ANK3: variants seen among roughly 807,000 people sequenced by gnomAD.
The protein encoded by ANK3 is ankyrin-3.
ANK3 carries 57 observed loss-of-function variants against 370.9 expected under a neutral mutation model. That is an observed-to-expected ratio of 0.15 (90% CI 0.12 to 0.19). ANK3 has a LOEUF of 0.19. Ranked by LOEUF, ANK3 falls within the 10% of genes least tolerant of loss-of-function variation. The pLI, the probability that ANK3 is intolerant of heterozygous loss-of-function variation, is 1.00. For missense variants in ANK3, 4,439 were observed against 5,302.1 expected (o/e 0.84, Z 5.06); for synonymous variants, 1,929 against 1,946.3 (o/e 0.99, Z 0.23).
chr10:60,135,618 T>C (rs886413550), intron 24 of ANK3, among the ~76,000 whole-genome samples: 12 of 152,256 alleles, frequency 7.9e-5, no homozygotes, highest in African/African-American at 2.2e-4. Context: ...AAGTGCCTTC[T>C]TGTATCTTTA....
intron 7 of ANK3, among the ~76,000 whole-genome samples, chr10:60,259,087 T>C (rs1477826010): frequency 6.6e-6 from 1 of 152,198 alleles, no homozygotes; most frequent in Admixed American, 6.6e-5. Context: ...GAGAGAACTA[T>C]GACCTAGAAA....
At chr10:60,185,266 AAAT>A (rs1275679810) in intron 17 of ANK3, among the ~76,000 whole-genome samples, 2 of 152,232 alleles carry the variant, frequency 1.3e-5, no homozygotes, top group Admixed American at 1.3e-4. Flanking sequence ...AGAATTTGTT[AAAT>A]AATAACCTTG....
chr10:60,109,591 C>A (rs1163181273), intron 26 of ANK3, among the ~76,000 whole-genome samples: 1 of 152,124 alleles, frequency 6.6e-6, no homozygotes, highest in Non-Finnish European at 1.5e-5. Flanking sequence ...CAGGAGATGA[C>A]TAGATTTGCT....
chr10:60,177,791 G>A (rs934325576), intron 18 of ANK3, among the ~76,000 whole-genome samples: 4 of 151,790 alleles, frequency 2.6e-5, no homozygotes, highest in Non-Finnish European at 4.4e-5. Context: ...TAGTAGAGAC[G>A]GGGTTTCGCC....
intron 2 of ANK3, among the ~76,000 whole-genome samples, chr10:60,571,315 G>A (rs1307376477): frequency 3.3e-5 from 5 of 152,198 alleles, no homozygotes; most frequent in Non-Finnish European, 5.9e-5. Context: ...TCTGCTGGTA[G>A]TAGGTCCCTT....
chr10:60,312,430 A>G (rs1013172422), intron 1 of ANK3, among the ~76,000 whole-genome samples: 2 of 152,212 alleles, frequency 1.3e-5, no homozygotes, highest in African/African-American at 4.8e-5. Flanking sequence ...GTGTTTACTG[A>G]TGATCCAGAG....
intron 2 of ANK3, among the ~76,000 whole-genome samples, chr10:60,581,662 A>G (rs1251389306): frequency 2.0e-5 from 3 of 150,428 alleles, no homozygotes. Context: ...CTGGTCTTGA[A>G]CTCCTGACAT....
chr10:60,657,637 T>C (rs1236052091), intron 1 of ANK3, among the ~76,000 whole-genome samples: 1 of 152,190 alleles, frequency 6.6e-6, no homozygotes, highest in Non-Finnish European at 1.5e-5. Flanking sequence ...TAGGGCCCAG[T>C]ATATGGTCTA....
chr10:60,282,222 C>T (rs1351192840), intron 1 of ANK3, among the ~76,000 whole-genome samples: 1 of 152,072 alleles, frequency 6.6e-6, no homozygotes, highest in African/African-American at 2.4e-5. Flanking sequence ...TCCCAAACTC[C>T]AACATGGAGT....
chr10:60,248,460 G>T lies in ANK3; in HGVS notation c.798+13399C>A, dbSNP rs185828056. Among the ~76,000 whole-genome samples the T allele has an allele frequency of 2.2e-4, 33 of 152,050 alleles. No individual in the cohort carries two copies. In the East Asian group the frequency reaches 4.4e-3, roughly 20 times the overall value. ...AATTCCATAAAAAATAAGAAATTTGGGGGCACTAAAGATTGACATAGTAAA... is the reference window on the plus strand; with the variant it reads ...AATTCCATAAAAAATAAGAAATTTGTGGGCACTAAAGATTGACATAGTAAA... On this transcript the variant is annotated intron_variant, in intron 7 of 43. Transcript: ENST00000280772.
intron 8 of ANK3, among the ~76,000 whole-genome samples, chr10:60,230,274 A>T (rs547979380): frequency 1.3e-5 from 2 of 152,318 alleles, no homozygotes; most frequent in African/African-American, 2.4e-5. Flanking sequence ...GCTAGCTTTA[A>T]AGAGGGAAGA....
chr10:60,066,079 A>G (rs902080419), intron 38 of ANK3, among the ~76,000 whole-genome samples: 1 of 152,202 alleles, frequency 6.6e-6, no homozygotes, highest in Non-Finnish European at 1.5e-5. Context: ...AATATTCTTA[A>G]TAATTATCAT....
chr10:60,579,542 C>G (rs1478734241), intron 2 of ANK3, among the ~76,000 whole-genome samples: 5 of 151,866 alleles, frequency 3.3e-5, no homozygotes. Context: ...GCCCCATGAT[C>G]AAAAATGATA....
intron 16 of ANK3, among the ~76,000 whole-genome samples, chr10:60,195,463 T>C (rs921416846): frequency 6.7e-6 from 1 of 148,872 alleles, no homozygotes; most frequent in African/African-American, 2.5e-5. Context: ...TTTAGCGAAA[T>C]AACTGAACAA....
At chr10:60,037,034 T>C (rs938748750) in intron 43 of ANK3, among the ~76,000 whole-genome samples, 2 of 152,238 alleles carry the variant, frequency 1.3e-5, no homozygotes, top group Admixed American at 6.5e-5. Context: ...TGCTTCTTTC[T>C]CTATCATCCA....
chr10:60,380,286 T>C (rs765424899), intron 1 of ANK3, among the ~76,000 whole-genome samples: 1 of 152,098 alleles, frequency 6.6e-6, no homozygotes. Context: ...TGAGATTTCC[T>C]AGGGGGAGGA....
rs117193770 is a variant in ANK3, at chr10:60,488,991, C to A, written c.96+126195G>T. Among the ~76,000 whole-genome samples, 1,247 of 152,236 alleles carry A rather than the reference C, an allele frequency of 8.2e-3. 7 individuals carry two copies. The highest frequency in any genetic ancestry group is 0.012 in the Non-Finnish European group (826 of 68,018). ...TTTCAACCAGAAATGGATATGGTATCCTACTTTTATTCAGATAAAATACAT... is the reference window on the plus strand; with the variant it reads ...TTTCAACCAGAAATGGATATGGTATACTACTTTTATTCAGATAAAATACAT... On this transcript the variant is annotated intron_variant, in intron 2 of 43. Coordinates refer to the ANK3 transcript ENST00000373827.
intron 1 of ANK3, among the ~76,000 whole-genome samples, chr10:60,328,968 G>T (rs1484821710): frequency 6.6e-6 from 1 of 152,144 alleles, no homozygotes; most frequent in Non-Finnish European, 1.5e-5. Context: ...GGGATGCAAG[G>T]CTAGTTCAAC....
intron 25 of ANK3, among the ~76,000 whole-genome samples, chr10:60,126,295 A>G (rs1301004303): frequency 6.6e-6 from 1 of 152,206 alleles, no homozygotes; most frequent in Non-Finnish European, 1.5e-5. Flanking sequence ...TCACAGATGC[A>G]CTGCCCCTAA....
Sources: gnomAD v4.1 joint callset for allele counts (sites outside exome capture counted in the v4.1 genomes callset) on GRCh38, gnomAD v4.1.1 for gene constraint, MANE v1.5 for transcripts, NCBI Gene and HGNC (gene_info 2026-07-23, HGNC 2026-07-21) for gene names.